FMN2: variants seen among roughly 807,000 people sequenced by gnomAD.
The protein encoded by FMN2 is formin 2.
FMN2 carries 51 observed loss-of-function variants against 142.3 expected under a neutral mutation model. The observed-to-expected ratio is 0.36, with a 90% CI of 0.29 to 0.45. The LOEUF is 0.45. FMN2 is among the 20% of genes least tolerant of loss of function. FMN2 has a pLI of 1.00. For synonymous variants in FMN2, 882 were observed against 869.8 expected, an observed-to-expected ratio of 1.01 and a Z score of -0.25; for missense variants, 1,936 against 2,122.8, an observed-to-expected ratio of 0.91 and a Z score of 1.73.
At chr1:240,376,941 A>G (rs1229796062) in intron 14 of FMN2, among the ~76,000 whole-genome samples, 1 of 152,174 alleles carries the variant, frequency 6.6e-6, no homozygotes, top group Non-Finnish European at 1.5e-5. Flanking sequence ...AGAACTCTAC[A>G]ACAGTATACT....
intron 8 of FMN2, among the ~76,000 whole-genome samples, chr1:240,327,304 C>T (rs1045014313): frequency 5.9e-5 from 9 of 152,146 alleles, no homozygotes; most frequent in South Asian, 2.1e-4. Context: ...ATTCTTCTCT[C>T]GTTAAAAGAA....
At chr1:240,144,573 C>T in intron 2 of FMN2, 3 of 1,378,306 alleles carry the variant, frequency 2.2e-6, no homozygotes, top group Non-Finnish European at 3.1e-6. Flanking sequence ...CGCATCAGTG[C>T]CAATCTCAGA....
chr1:240,299,814 G>T (rs776508593), intron 8 of FMN2, among the ~76,000 whole-genome samples: 13 of 151,914 alleles, frequency 8.6e-5, no homozygotes, highest in Non-Finnish European at 1.9e-4. Context: ...ACCCAAGATG[G>T]ACCTAAGATT....
chr1:240,431,981 T>C (rs149640083), intron 15 of FMN2, among the ~76,000 whole-genome samples: 1 of 151,888 alleles, frequency 6.6e-6, no homozygotes, highest in East Asian at 1.9e-4. Context: ...AGGGTAAAGC[T>C]GGCTTCATAA....
chr1:240,383,601 A>G (rs1673301174), intron 14 of FMN2, among the ~76,000 whole-genome samples: 1 of 152,188 alleles, frequency 6.6e-6, no homozygotes, highest in South Asian at 2.1e-4. Context: ...GCAGAGGTAG[A>G]CATGGATGTG....
intron 13 of FMN2, among the ~76,000 whole-genome samples, chr1:240,336,652 T>C (rs549620910): frequency 6.6e-6 from 1 of 151,428 alleles, no homozygotes; most frequent in African/African-American, 2.4e-5. Context: ...TGTTCTGTAG[T>C]CACTGAAACA....
intron 3 of FMN2, among the ~76,000 whole-genome samples, chr1:240,179,103 T>G (rs1558340643): frequency 6.6e-6 from 1 of 152,214 alleles, no homozygotes; most frequent in Non-Finnish European, 1.5e-5. Flanking sequence ...GAGCATAGCA[T>G]GTACTGTGTA....
At chr1:240,360,061 G>A (rs1672408822) in intron 14 of FMN2, among the ~76,000 whole-genome samples, 1 of 152,086 alleles carries the variant, frequency 6.6e-6, no homozygotes, top group Non-Finnish European at 1.5e-5. Flanking sequence ...ATGCAGGAAG[G>A]TCCTTAAAAG....
At chr1:240,228,303 CAAAAAAAAAAAAAAAAAAA>C (rs577421634) in intron 6 of FMN2, among the ~76,000 whole-genome samples, 1 of 47,726 alleles carries the variant, frequency 2.1e-5, no homozygotes, top group African/African-American at 6.0e-5. Flanking sequence ...AACTCTGTCT[CAAAAAAAAAAAAAAAAAAA>C]AAAAAAAAAA....
chr1:240,207,598 C>G lies in FMN2; in HGVS notation c.2786C>G (p.Ala929Gly). ...CCTCCTCCGCCGCCTCTACCCGGAG[C>G]AGGCATACTCCCTCTGCCCCCTCTA... ...GIPPPPPLPGAGILPLPPLPG... is the reference protein window; with the variant it reads ...GIPPPPPLPGGGILPLPPLPG... Residue 929 changes from alanine (A) to glycine (G), a missense_variant, in exon 5 of 18, where the codon GCA becomes GGA. Coordinates refer to ENST00000319653, the MANE Select transcript of FMN2 (RefSeq NM_020066.5). 1.3e-6 allele frequency: 2 copies of G among 1,587,384 alleles called. No individual in the cohort carries two copies. The highest frequency in any genetic ancestry group is 2.3e-5 in the South Asian group (2 of 86,926).
At chr1:240,338,972 GAGATCC>G (rs1366238707) in intron 13 of FMN2, among the ~76,000 whole-genome samples, 1 of 152,172 alleles carries the variant, frequency 6.6e-6, no homozygotes, top group East Asian at 1.9e-4. Context: ...GCATTCAACC[GAGATCC>G]TGCACATGCG....
chr1:240,108,802 G>A (rs12144619), intron 1 of FMN2, among the ~76,000 whole-genome samples: 99,088 of 152,070 alleles, frequency 0.65, 33,046 homozygotes, highest in African/African-American at 0.79. Context: ...TTGGGAGGCC[G>A]AGGCAGATGG....
chr1:240,250,295 G>C (rs188607061), intron 6 of FMN2, among the ~76,000 whole-genome samples: 3 of 152,002 alleles, frequency 2.0e-5, no homozygotes, highest in African/African-American at 7.2e-5. Context: ...AATTTTTATC[G>C]TGAAGGGATG....
intron 14 of FMN2, among the ~76,000 whole-genome samples, chr1:240,370,646 C>T (rs1208479934): frequency 6.6e-6 from 1 of 152,108 alleles, no homozygotes; most frequent in Non-Finnish European, 1.5e-5. Flanking sequence ...AGTCCTGTGG[C>T]TTTGCTCACA....
rs200934689 is a variant in FMN2 at position 240,099,319 on chromosome 1, T to TG, written c.1615+5595_1615+5596insG. On this transcript the variant is annotated intron_variant, in intron 1 of 17. Coordinates refer to ENST00000319653, the MANE Select transcript of FMN2 (RefSeq NM_020066.5). ...GCCCCAGTTTTGTTTTGTTTTGTTT[T>TG]TTTTTGCAAATTGTTTATGTATTAT... is the stretch of plus-strand genomic sequence containing the variant. 9.5e-3 allele frequency among the ~76,000 whole-genome samples: 1,452 copies of TG among 152,300 alleles called. 22 individuals carry two copies. The highest frequency in any genetic ancestry group is 0.033 in the African/African-American group (1,354 of 41,556).
intron 6 of FMN2, among the ~76,000 whole-genome samples, chr1:240,252,642 G>A (rs1049876168): frequency 4.6e-5 from 7 of 150,964 alleles, no homozygotes; most frequent in Admixed American, 1.3e-4. Flanking sequence ...TGACGGGGGG[G>A]GTGGTTCTCT....
At chr1:240,401,441 C>T (rs751532808) in intron 15 of FMN2, among the ~76,000 whole-genome samples, 57 of 152,252 alleles carry the variant, frequency 3.7e-4, no homozygotes, top group Non-Finnish European at 6.9e-4. Flanking sequence ...AGAAAATACA[C>T]GGGGAAGTTT....
intron 8 of FMN2, among the ~76,000 whole-genome samples, chr1:240,308,681 G>A (rs1199249075): frequency 3.2e-5 from 1 of 30,832 alleles, no homozygotes; most frequent in Non-Finnish European, 5.1e-5. Flanking sequence ...AGAGATGATA[G>A]TGGCTTGGAC....
intron 15 of FMN2, among the ~76,000 whole-genome samples, chr1:240,397,809 A>AAAAAAAC: frequency 6.6e-6 from 1 of 150,966 alleles, no homozygotes; most frequent in Non-Finnish European, 1.5e-5. Flanking sequence ...AAAAAAAAAA[A>AAAAAAAC]AGTTAACCAC....
Sources: allele counts gnomAD v4.1 joint callset (sites outside exome capture counted in the v4.1 genomes callset), GRCh38; gene constraint gnomAD v4.1.1; transcripts MANE v1.5; gene names NCBI Gene and HGNC (gene_info 2026-07-23, HGNC 2026-07-21).